EHMT1: variants seen among roughly 807,000 people sequenced by gnomAD.
The protein encoded by EHMT1 is histone-lysine N-methyltransferase EHMT1.
Under a neutral mutation model 147.2 loss-of-function variants are expected in EHMT1, and 15 were observed. The ratio of observed to expected loss-of-function variants is 0.10; its 90% confidence interval spans 0.07 to 0.16. The LOEUF is 0.16. EHMT1 is among the 10% of genes least tolerant of loss of function. The probability of loss-of-function intolerance (pLI) is 1.00; values close to 1 mark genes in which losing one functional copy is unlikely to be tolerated. For missense variants in EHMT1, 1,587 were observed against 1,772.4 expected (o/e 0.90, Z 1.88); for synonymous variants, 795 against 709.6 (o/e 1.12, Z -1.91).
chr9:137,781,266 G>A (rs1394108639), intron 14 of EHMT1, among the ~76,000 whole-genome samples: 112 of 45,052 alleles, frequency 2.5e-3, no homozygotes, highest in Non-Finnish European at 2.9e-3. Flanking sequence ...GACGACGCTG[G>A]GACGTGTGGT....
chr9:137,812,813 G>A (rs1396753808), intron 19 of EHMT1, among the ~76,000 whole-genome samples, 193 bp from the exon 20 acceptor site: 3 of 152,252 alleles, frequency 2.0e-5, no homozygotes, highest in Admixed American at 2.0e-4. Context: ...GGGAGAGGAG[G>A]AAGGGAATCA....
chr9:137,834,600 C>CTGGGCT, intron 26 of EHMT1, 76 bp downstream of exon 26: 2 of 1,601,096 alleles, frequency 1.2e-6, no homozygotes, highest in South Asian at 2.2e-5. Context: ...CATTGCTTTC[C>CTGGGCT]TGGGCTTGTC....
intron 1 of EHMT1, among the ~76,000 whole-genome samples, chr9:137,683,517 A>G (rs1037961685): frequency 1.3e-5 from 2 of 152,082 alleles, no homozygotes; most frequent in African/African-American, 2.4e-5. Flanking sequence ...ATCATGGCTC[A>G]TTGCAGCCTC....
chr9:137,641,319 C>G (rs1222931470), intron 1 of EHMT1: 18 of 468,664 alleles, frequency 3.8e-5, no homozygotes, highest in African/African-American at 3.5e-4. Flanking sequence ...GACTCTCATT[C>G]AGATGAAATT....
intron 25 of EHMT1, among the ~76,000 whole-genome samples, chr9:137,829,224 TCTTA>T (rs762886847): frequency 2.2e-4 from 33 of 152,370 alleles, no homozygotes; most frequent in Middle Eastern, 3.4e-3. Context: ...CATTCAGGTC[TCTTA>T]CTTAGTTAAA....
chr9:137,753,954 T>A (rs1404591546), intron 7 of EHMT1, among the ~76,000 whole-genome samples: 1 of 152,194 alleles, frequency 6.6e-6, no homozygotes, highest in Non-Finnish European at 1.5e-5. Context: ...TTTGTTTTGT[T>A]TTATCTCTAA....
At chr9:137,670,381 C>T (rs1940437694) in intron 1 of EHMT1, among the ~76,000 whole-genome samples, 1 of 152,240 alleles carries the variant, frequency 6.6e-6, no homozygotes, top group Non-Finnish European at 1.5e-5. Flanking sequence ...TGGCTAGTCC[C>T]CTCTCCTGCC....
At chr9:137,800,739 G>T (rs962869980) in intron 17 of EHMT1, 141 bp from the exon 18 acceptor site, 1 of 694,064 alleles carries the variant, frequency 1.4e-6, no homozygotes, top group East Asian at 2.7e-5. Flanking sequence ...GCCTCTGAAG[G>T]TTGCATTCAG....
Position 137,787,531 on chromosome 9 carries a change from C to T in EHMT1, c.2383-3317C>T. 2.5e-6 allele frequency: 1 copy of T among 392,888 alleles called. No individual in the cohort carries two copies. The highest frequency in any genetic ancestry group is 4.7e-6 in the Non-Finnish European group (1 of 211,916). 24.3% of individuals were successfully genotyped at this position (392,888 alleles called of 1,614,324 possible). ...GGCCACACGTGGGGTAGTTAGTAAA[C>T]ACCATGGACTCCCAGCAAGGCTGCT... On this transcript the variant is annotated intron_variant, in intron 15 of 26. Transcript: ENST00000460843. The surrounding 1 kb of genome is among the most constrained non-coding windows in gnomAD (Gnocchi z 4.2).
In EHMT1 at chr9:137,815,958, C is replaced by G. The variant is rs1327725958; in HGVS notation, c.3270C>G (p.Leu1090=). Reference sequence around the variant, plus strand: ...TCATCTGTCCACAGGATGGCCGGCTCCTGCCAGAGTTCAACATGGCGGAGC... The same window carrying G: ...TCATCTGTCCACAGGATGGCCGGCTGCTGCCAGAGTTCAACATGGCGGAGC... ...MRCWYDKDGR[L]LPEFNMAEPP... The change falls in exon 23 of 27, where the codon CTC becomes CTG. Residue 1090 remains leucine, a synonymous_variant. Transcript: ENST00000460843. 1 of 1,606,986 alleles carries G rather than the reference C, an allele frequency of 6.2e-7. No homozygotes were observed. The highest frequency in any genetic ancestry group is 8.5e-7 in the Non-Finnish European group (1 of 1,176,806).
chr9:137,748,663 C>G (rs1195810778), intron 6 of EHMT1, among the ~76,000 whole-genome samples: 1 of 152,212 alleles, frequency 6.6e-6, no homozygotes, highest in Non-Finnish European at 1.5e-5. Context: ...AGTGGCATTA[C>G]GTTTTCAGTT....
chr9:137,670,497 G>T (rs1230641147), intron 1 of EHMT1, among the ~76,000 whole-genome samples: 1 of 152,056 alleles, frequency 6.6e-6, no homozygotes, highest in African/African-American at 2.4e-5. Context: ...CTGTGCCCAC[G>T]TGCGAGCTCC....
At chr9:137,654,045 A>G (rs1178456940) in intron 1 of EHMT1, among the ~76,000 whole-genome samples, 1 of 152,136 alleles carries the variant, frequency 6.6e-6, no homozygotes, top group Non-Finnish European at 1.5e-5. Context: ...TGCTGAAAAG[A>G]TTCTCCTTTT....
At chr9:137,730,019 TC>T (rs1946967601) in intron 4 of EHMT1, among the ~76,000 whole-genome samples, 1 of 152,258 alleles carries the variant, frequency 6.6e-6, no homozygotes, top group Non-Finnish European at 1.5e-5. Context: ...TGAACCATTC[TC>T]AGCCTTCTTT....
At chr9:137,633,823 A>ATTT (rs4030112) in intron 1 of EHMT1, among the ~76,000 whole-genome samples, 3 of 137,648 alleles carry the variant, frequency 2.2e-5, no homozygotes, top group Non-Finnish European at 3.1e-5. Context: ...TCACTTTCTA[A>ATTT]TTTTTTTTTT....
At chr9:137,752,495 C>T (rs1949046170) in intron 7 of EHMT1, 87 bp downstream of exon 7, 1 of 1,471,162 alleles carries the variant, frequency 6.8e-7, no homozygotes, top group Admixed American at 1.9e-5. Flanking sequence ...ACCCAACAAC[C>T]CTTGTTGCCT....
At chr9:137,771,684 C>T (rs1484204640) in intron 10 of EHMT1, among the ~76,000 whole-genome samples, 3 of 138,414 alleles carry the variant, frequency 2.2e-5, no homozygotes, top group South Asian at 4.1e-4. Flanking sequence ...ACCGAGGAGA[C>T]CGGGGTGGCG....
At position 137,779,644 on chromosome 9, in the gene EHMT1, G is replaced by A; in HGVS notation, c.2202G>A (p.Lys734=). 1 of 1,613,952 alleles carries A rather than the reference G, an allele frequency of 6.2e-7. No homozygotes were observed. Among genetic ancestry groups the A allele is most frequent in the Non-Finnish European group, 8.5e-7 (1 of 1,180,050 alleles). Residue 734 remains lysine, a synonymous_variant, in exon 14 of 27, where the codon AAG becomes AAA. Transcript: ENST00000460843. The part of the protein sequence containing the change: ...LIALDSEKPK[K]LRFHPKQLYF... ...CTTGTGCTTCCCACAGACCCAAGAAGCTTCGCTTCCACCCAAAGCAGCTGT... is the reference window on the plus strand; with the variant it reads ...CTTGTGCTTCCCACAGACCCAAGAAACTTCGCTTCCACCCAAAGCAGCTGT...
chr9:137,620,207 A>T (rs868416914), intron 1 of EHMT1: 4 of 152,188 alleles, frequency 2.6e-5, no homozygotes, highest in Admixed American at 2.0e-4. Context: ...CAAGGAATTA[A>T]TATTAGTCAC....
Sources: gnomAD v4.1 joint callset for allele counts (sites outside exome capture counted in the v4.1 genomes callset) on GRCh38, gnomAD v4.1.1 for gene constraint, Gnocchi (gnomAD v3.1) non-coding constraint, MANE v1.5 for transcripts, NCBI Gene and HGNC (gene_info 2026-07-23, HGNC 2026-07-21) for gene names.